FOXJ3: variants seen among roughly 807,000 people sequenced by gnomAD.
FOXJ3 encodes the protein forkhead box protein J3.
Under a neutral mutation model 76.1 loss-of-function variants are expected in FOXJ3, and 22 were observed. The observed-to-expected ratio is 0.29, with a 90% CI of 0.21 to 0.41. The LOEUF (loss-of-function observed/expected upper bound fraction) is 0.41. Among genes scored for constraint, FOXJ3 ranks in the 10% least tolerant of loss-of-function variants. FOXJ3 has a pLI of 1.00. For synonymous variants in FOXJ3, 269 were observed against 261.2 expected (o/e 1.03, Z -0.29); for missense variants, 613 against 762.1 (o/e 0.80, Z 2.30).
At chr1:42,283,365 T>A (rs1483388601) in intron 2 of FOXJ3, among the ~76,000 whole-genome samples, 2 of 152,166 alleles carry the variant, frequency 1.3e-5, no homozygotes, top group East Asian at 3.8e-4. Flanking sequence ...ACGGGGGTTT[T>A]AATCCCACTT....
rs551989592 is a variant in FOXJ3, at chr1:42,296,456, T to C, written c.44+14594A>G. ...GTCTTATGTTCAAGTCTTTAATCCA[T>C]CCGTCCTGAGTTAATTTTCATACAT... On this transcript the variant is annotated intron_variant, in intron 2 of 12. Coordinates refer to ENST00000361346, the MANE Select transcript of FOXJ3 (RefSeq NM_014947.5). Among the ~76,000 whole-genome samples, 13 of 152,346 alleles carry C rather than the reference T, an allele frequency of 8.5e-5. No homozygotes were observed. In the East Asian group the frequency reaches 2.5e-3, roughly 29 times the overall value.
chr1:42,186,680 C>G (rs935575613), intron 11 of FOXJ3, among the ~76,000 whole-genome samples: 4 of 152,274 alleles, frequency 2.6e-5, no homozygotes, highest in Non-Finnish European at 4.4e-5. Context: ...TGCCTGGGTA[C>G]TCTGACAGAG....
At chr1:42,321,152 C>G (rs764725782) in intron 1 of FOXJ3, among the ~76,000 whole-genome samples, 24 of 152,116 alleles carry the variant, frequency 1.6e-4, no homozygotes, top group Non-Finnish European at 2.9e-4. Context: ...ATATCCCATT[C>G]CTGGAAATCC....
chr1:42,259,186 T>G (rs1342434859), intron 4 of FOXJ3, among the ~76,000 whole-genome samples: 2 of 152,120 alleles, frequency 1.3e-5, no homozygotes, highest in African/African-American at 4.8e-5. Context: ...ATATGGCATT[T>G]TGGAAAAGGC....
intron 1 of FOXJ3, among the ~76,000 whole-genome samples, chr1:42,324,292 ATAT>A (rs1285001532): frequency 7.0e-6 from 1 of 143,836 alleles, no homozygotes; most frequent in Non-Finnish European, 1.5e-5. Context: ...TTATACACAT[ATAT>A]TATATATATA....
At chr1:42,283,021 G>C (rs185987806) in intron 2 of FOXJ3, among the ~76,000 whole-genome samples, 12 of 152,296 alleles carry the variant, frequency 7.9e-5, no homozygotes, top group Admixed American at 7.8e-4. Context: ...AGAGTACTAA[G>C]TAGCAGAAAG....
upstream of FOXJ3, chr1:42,335,731 G>A (rs1656457104): frequency 6.6e-6 from 1 of 152,228 alleles, no homozygotes; most frequent in Non-Finnish European, 1.5e-5. Flanking sequence ...TGGACCTTCA[G>A]GACACCCCTC....
chr1:42,314,570 A>G (rs957714312), intron 1 of FOXJ3, among the ~76,000 whole-genome samples: 2 of 151,658 alleles, frequency 1.3e-5, no homozygotes, highest in Non-Finnish European at 2.9e-5. Context: ...CTTTCTTTTC[A>G]CTCTCCATCC....
intron 4 of FOXJ3, among the ~76,000 whole-genome samples, chr1:42,246,087 G>A (rs377257708): frequency 4.6e-4 from 70 of 152,230 alleles, no homozygotes; most frequent in African/African-American, 1.5e-3. Flanking sequence ...AAATACTTCA[G>A]GACATTGAGT....
intron 2 of FOXJ3, among the ~76,000 whole-genome samples, chr1:42,304,214 C>T (rs1172347082): frequency 1.3e-5 from 2 of 152,028 alleles, no homozygotes; most frequent in East Asian, 3.9e-4. Flanking sequence ...AAGACCTCCA[C>T]AATGAAAACC....
At chr1:42,237,192 G>A (rs976690867) in intron 4 of FOXJ3, among the ~76,000 whole-genome samples, 7 of 151,674 alleles carry the variant, frequency 4.6e-5, no homozygotes, top group Non-Finnish European at 7.4e-5. Flanking sequence ...TGGCTAACAC[G>A]GTAAAACCCC....
intron 1 of FOXJ3, chr1:42,315,350 AT>A (rs1205260809): frequency 1.1e-6 from 1 of 883,914 alleles, no homozygotes; most frequent in Non-Finnish European, 1.4e-6. Flanking sequence ...TTTTACCTGA[AT>A]AAAAAGCTAA....
At chr1:42,268,590 A>T (rs1459422954) in intron 3 of FOXJ3, among the ~76,000 whole-genome samples, 2 of 152,228 alleles carry the variant, frequency 1.3e-5, no homozygotes, top group Non-Finnish European at 2.9e-5. Context: ...TATAAAGCAA[A>T]TATAATTTAT....
chr1:42,280,599 G>T (rs1036280312), intron 2 of FOXJ3, among the ~76,000 whole-genome samples: 2 of 152,032 alleles, frequency 1.3e-5, no homozygotes, highest in Admixed American at 6.6e-5. Flanking sequence ...GTACCCTAGA[G>T]ATCAGAGATG....
intron 4 of FOXJ3, among the ~76,000 whole-genome samples, chr1:42,229,689 C>T (rs532755807): frequency 6.6e-6 from 1 of 152,098 alleles, no homozygotes; most frequent in East Asian, 1.9e-4. Context: ...TGCCAAGAAC[C>T]CTATAAAATG....
At position 42,312,289 on chromosome 1, in the gene FOXJ3, C is replaced by T. The variant is rs375020189; in HGVS notation, c.-17-1179G>A. 8.5e-5 allele frequency among the ~76,000 whole-genome samples: 13 copies of T among 152,264 alleles called. No homozygotes were observed. In the East Asian group the frequency reaches 2.3e-3, roughly 27 times the overall value. ...CCCAGGCTGATCTTGAACTCCTGGG[C>T]TCAAGTGATCCTCCTTCCTCGGCCT... On this transcript the variant is annotated intron_variant, in intron 1 of 12. Coordinates refer to ENST00000361346, the MANE Select transcript of FOXJ3 (RefSeq NM_014947.5).
At chr1:42,185,247 A>G (rs1368106788) in intron 11 of FOXJ3, among the ~76,000 whole-genome samples, 2 of 141,778 alleles carry the variant, frequency 1.4e-5, no homozygotes, top group Admixed American at 1.4e-4. Context: ...CCCTCAACAT[A>G]CTGAATTTTT....
In FOXJ3 at chr1:42,187,675, G is replaced by GGA. The variant is rs148711337; in HGVS notation, c.1645+1060_1645+1061dup. Among the ~76,000 whole-genome samples, 23 of 151,654 alleles carry GGA rather than the reference G, an allele frequency of 1.5e-4. 1 individual carries two copies. The highest frequency in any genetic ancestry group is 2.1e-4 in the Non-Finnish European group (14 of 67,832). ...AAGATACCAAAAAGAACTAACAAAA[G>GGA]GAGAGAGAGAGAGAGACAAAGAAGC... On this transcript the variant is annotated intron_variant, in intron 11 of 12. Coordinates refer to ENST00000361346, the MANE Select transcript of FOXJ3 (RefSeq NM_014947.5).
chr1:42,258,042 CTAAACA>C (rs1184789579), intron 4 of FOXJ3, among the ~76,000 whole-genome samples: 1 of 152,142 alleles, frequency 6.6e-6, no homozygotes, highest in African/African-American at 2.4e-5. Flanking sequence ...TCATAAATAG[CTAAACA>C]TTCCAAATGG....
Sources: allele counts gnomAD v4.1 joint callset (sites outside exome capture counted in the v4.1 genomes callset), GRCh38; gene constraint gnomAD v4.1.1; transcripts MANE v1.5; gene names NCBI Gene and HGNC (gene_info 2026-07-23, HGNC 2026-07-21).